Variants in FARS2 observed in about 807,000 individuals in gnomAD.
FARS2 encodes phenylalanine--tRNA ligase, mitochondrial.
In FARS2, 40 loss-of-function variants were observed where a neutral mutation model predicts 46.4. The observed-to-expected ratio is 0.86, with a 90% CI of 0.67 to 1.12. The LOEUF (loss-of-function observed/expected upper bound fraction) is 1.12. FARS2 is among the 50% of genes most tolerant of loss of function. FARS2 has a pLI of 0.00. For missense variants in FARS2, 513 were observed against 567.9 expected (o/e 0.90, Z 0.98); for synonymous variants, 234 against 214.9 (o/e 1.09, Z -0.78).
At chr6:5,496,183 G>C (rs1329159681) in intron 4 of FARS2, among the ~76,000 whole-genome samples, 1 of 152,022 alleles carries the variant, frequency 6.6e-6, no homozygotes, top group African/African-American at 2.4e-5. Context: ...ACTCCATTGA[G>C]TACTCTGCTT....
chr6:5,610,589 C>CCT (rs1381010368), intron 5 of FARS2, among the ~76,000 whole-genome samples: 4 of 152,080 alleles, frequency 2.6e-5, no homozygotes, highest in Admixed American at 6.5e-5. Context: ...ATATAAGGGA[C>CCT]CTGAGGATTT....
chr6:5,562,846 C>T (rs1404939908), intron 5 of FARS2, among the ~76,000 whole-genome samples: 3 of 150,246 alleles, frequency 2.0e-5, no homozygotes, highest in Non-Finnish European at 4.4e-5. Context: ...GCTCATCGCC[C>T]AGGCCGGAGT....
intron 5 of FARS2, among the ~76,000 whole-genome samples, chr6:5,568,820 G>C (rs183012320): frequency 6.6e-6 from 1 of 152,324 alleles, no homozygotes; most frequent in African/African-American, 2.4e-5. Context: ...GGGCCATGAG[G>C]CTAGGAGCCC....
chr6:5,362,584 G>A (rs1457916494), intron 1 of FARS2, among the ~76,000 whole-genome samples: 2 of 152,150 alleles, frequency 1.3e-5, no homozygotes, highest in Non-Finnish European at 2.9e-5. Flanking sequence ...CATTTCCTGT[G>A]TTATATACAC....
intron 1 of FARS2, among the ~76,000 whole-genome samples, chr6:5,294,468 C>T (rs753965458): frequency 1.3e-5 from 2 of 152,084 alleles, no homozygotes; most frequent in Non-Finnish European, 2.9e-5. Flanking sequence ...TGGCAGGCAC[C>T]GGTTGGATGT....
intron 5 of FARS2, among the ~76,000 whole-genome samples, chr6:5,584,736 C>G (rs769760047): frequency 1.3e-5 from 2 of 152,020 alleles, no homozygotes; most frequent in Non-Finnish European, 2.9e-5. Context: ...ATGAAGAGGT[C>G]TTCGAAATAA....
chr6:5,646,576 A>G (rs570902270), intron 6 of FARS2, among the ~76,000 whole-genome samples: 18 of 152,316 alleles, frequency 1.2e-4, no homozygotes, highest in Non-Finnish European at 2.2e-4. Flanking sequence ...CTATAACTAC[A>G]GTTGGACTTT....
chr6:5,648,477 G>A (rs777352810), intron 6 of FARS2, among the ~76,000 whole-genome samples: 13 of 152,198 alleles, frequency 8.5e-5, no homozygotes, highest in Non-Finnish European at 1.5e-4. Flanking sequence ...CCCAAAGGGG[G>A]CCTCCCTCTC....
chr6:5,704,575 C>T (rs1758629639), intron 6 of FARS2, among the ~76,000 whole-genome samples: 1 of 152,200 alleles, frequency 6.6e-6, no homozygotes, highest in Non-Finnish European at 1.5e-5. Context: ...TATACATATG[C>T]TAGATTTCCC....
At chr6:5,667,145 C>A (rs1297265796) in intron 6 of FARS2, among the ~76,000 whole-genome samples, 1 of 152,102 alleles carries the variant, frequency 6.6e-6, no homozygotes, top group Non-Finnish European at 1.5e-5. Context: ...GAATACCAAA[C>A]CCCCATGACA....
intron 4 of FARS2, among the ~76,000 whole-genome samples, chr6:5,512,881 G>A (rs1158235295): frequency 6.6e-6 from 1 of 152,202 alleles, no homozygotes; most frequent in Non-Finnish European, 1.5e-5. Flanking sequence ...CAGAAGCACA[G>A]GTCTCACATG....
At chr6:5,688,349 A>G (rs1283221875) in intron 6 of FARS2, among the ~76,000 whole-genome samples, 1 of 151,864 alleles carries the variant, frequency 6.6e-6, no homozygotes, top group Admixed American at 6.6e-5. Flanking sequence ...GTCATACATA[A>G]CTCTTATTAT....
At position 5,551,765 on chromosome 6, in the gene FARS2, C is replaced by T. The variant is rs534213078; in HGVS notation, c.1065+6425C>T. Among the ~76,000 whole-genome samples the T allele has an allele frequency of 6.0e-4, 91 of 152,270 alleles. 3 individuals carry two copies. Among genetic ancestry groups the T allele is most frequent in the African/African-American group, 8.9e-4 (37 of 41,550 alleles). Reference sequence around the variant, plus strand: ...GAGAATCTGTTCCCTTGCCTTTGCCCGTCTAGAGACAGTCCTCAGTTCTTA... The same window carrying T: ...GAGAATCTGTTCCCTTGCCTTTGCCTGTCTAGAGACAGTCCTCAGTTCTTA... On this transcript the variant is annotated intron_variant, in intron 5 of 6. Coordinates refer to ENST00000274680, the MANE Select transcript of FARS2 (RefSeq NM_006567.5).
intron 1 of FARS2, among the ~76,000 whole-genome samples, chr6:5,341,237 T>A (rs12055605): frequency 0.019 from 336 of 17,726 alleles, 4 homozygotes; most frequent in East Asian, 0.057. Flanking sequence ...ATATATATAT[T>A]TTTTTTTTTT....
chr6:5,567,384 T>A (rs1348768960), intron 5 of FARS2, among the ~76,000 whole-genome samples: 6 of 152,220 alleles, frequency 3.9e-5, no homozygotes. Context: ...TTTTTATATA[T>A]TTTTAAAAGG....
chr6:5,347,982 C>G (rs753918783), intron 1 of FARS2, among the ~76,000 whole-genome samples: 7 of 152,118 alleles, frequency 4.6e-5, no homozygotes, highest in African/African-American at 1.4e-4. Flanking sequence ...TGTATCTTCT[C>G]TGGTGAAGTG....
chr6:5,510,665 G>T (rs892405478), intron 4 of FARS2, among the ~76,000 whole-genome samples: 1 of 152,190 alleles, frequency 6.6e-6, no homozygotes, highest in Admixed American at 6.5e-5. Context: ...ACCAGCGCTG[G>T]CCGCGTGAGA....
intron 6 of FARS2, among the ~76,000 whole-genome samples, chr6:5,762,380 A>C (rs982724974): frequency 2.0e-5 from 3 of 152,208 alleles, no homozygotes; most frequent in African/African-American, 7.2e-5. Context: ...GCGAGTCTGC[A>C]TCCCAAGTCT....
At chr6:5,415,217 C>T (rs1762157491) in intron 3 of FARS2, among the ~76,000 whole-genome samples, 1 of 151,476 alleles carries the variant, frequency 6.6e-6, no homozygotes, top group African/African-American at 2.4e-5. Context: ...CTCATTTTTG[C>T]TAGCACTTGT....
Sources: gnomAD v4.1 joint callset for allele counts (sites outside exome capture counted in the v4.1 genomes callset) on GRCh38, gnomAD v4.1.1 for gene constraint, MANE v1.5 for transcripts, NCBI Gene and HGNC (gene_info 2026-07-23, HGNC 2026-07-21) for gene names.